The following SDK1 variants were observed in gnomAD, a reference collection of about 807,000 sequenced individuals.
The protein encoded by SDK1 is protein sidekick-1.
SDK1 carries 157 observed loss-of-function variants against 245.5 expected under a neutral mutation model. The observed-to-expected ratio is 0.64, with a 90% CI of 0.56 to 0.73. SDK1 has a LOEUF of 0.73. Among genes scored for constraint, SDK1 ranks in the 30% least tolerant of loss-of-function variants. SDK1 has a pLI of 0.00. For synonymous variants in SDK1, 1,647 were observed against 1,278.5 expected (o/e 1.29, Z -6.15); for missense variants, 3,583 against 3,002.3 (o/e 1.19, Z -4.52).
intron 4 of SDK1, among the ~76,000 whole-genome samples, chr7:3,669,323 T>C (rs568757162): frequency 2.0e-5 from 3 of 152,300 alleles, no homozygotes; most frequent in African/African-American, 7.2e-5. Context: ...ACTACAGACC[T>C]TGTTGCAGAA....
At chr7:4,114,332 C>A in intron 25 of SDK1, 58 bp downstream of exon 25, 1 of 1,342,626 alleles carries the variant, frequency 7.4e-7, no homozygotes, top group Non-Finnish European at 1.0e-6. Flanking sequence ...GGCTGAGTGC[C>A]CCTGAGCCTC....
At chr7:3,641,898 A>AC in intron 3 of SDK1, 60 bp from the exon 4 acceptor site, 1 of 1,416,454 alleles carries the variant, frequency 7.1e-7, no homozygotes, top group African/African-American at 1.4e-5. Flanking sequence ...TCCATCTGTG[A>AC]CCCCTTCCCT....
At chr7:3,679,424 G>A (rs890166493) in intron 4 of SDK1, among the ~76,000 whole-genome samples, 5 of 152,134 alleles carry the variant, frequency 3.3e-5, no homozygotes, top group African/African-American at 4.8e-5. Flanking sequence ...AAAATTAGCC[G>A]GGCGCGGTGG....
chr7:3,851,426 T>C lies in SDK1; in HGVS notation c.847+29843T>C, dbSNP rs73674317. Among the ~76,000 whole-genome samples the C allele has an allele frequency of 2.6e-5, 4 of 152,350 alleles. No homozygotes were observed. In the East Asian group the frequency reaches 7.7e-4, roughly 29 times the overall value. On this transcript the variant is annotated intron_variant, in intron 5 of 44. Transcript: ENST00000404826. ...CTCAGTTAAAACTAATTTATACTTA[T>C]ATTTTCATAAAGATAGAAGCGTAAT...
At chr7:3,523,360 G>C (rs1459460333) in intron 1 of SDK1, among the ~76,000 whole-genome samples, 1 of 152,140 alleles carries the variant, frequency 6.6e-6, no homozygotes, top group Non-Finnish European at 1.5e-5. Flanking sequence ...TAACCTAGTG[G>C]AGGTGACACA....
intron 1 of SDK1, among the ~76,000 whole-genome samples, chr7:3,353,432 A>T (rs949139766): frequency 3.3e-5 from 5 of 151,746 alleles, no homozygotes; most frequent in Non-Finnish European, 5.9e-5. Flanking sequence ...AGTAACCATA[A>T]TTTCTAAAAA....
intron 4 of SDK1, among the ~76,000 whole-genome samples, chr7:3,777,601 C>T (rs1479272719): frequency 6.6e-6 from 1 of 152,188 alleles, no homozygotes; most frequent in Non-Finnish European, 1.5e-5. Context: ...CCCCCTCTGC[C>T]AACAGTGTCC....
intron 1 of SDK1, among the ~76,000 whole-genome samples, chr7:3,527,607 A>G (rs1430083444): frequency 1.2e-4 from 17 of 144,282 alleles, no homozygotes; most frequent in South Asian, 4.6e-4. Context: ...GTGGTAGGAG[A>G]TGAGGTTGGA....
At chr7:3,335,357 T>A (rs1016147582) in intron 1 of SDK1, among the ~76,000 whole-genome samples, 2 of 152,178 alleles carry the variant, frequency 1.3e-5, no homozygotes, top group African/African-American at 2.4e-5. Context: ...GTCTCCTGAT[T>A]GTTCTCTATT....
intron 1 of SDK1, among the ~76,000 whole-genome samples, chr7:3,331,659 T>G (rs4499989): frequency 0.45 from 68,525 of 151,988 alleles, 15,503 homozygotes; most frequent in East Asian, 0.56. Flanking sequence ...TGGTGTCATA[T>G]CTGAACACAA....
chr7:3,912,634 G>T (rs1216476318), intron 5 of SDK1, among the ~76,000 whole-genome samples: 2 of 152,206 alleles, frequency 1.3e-5, no homozygotes, highest in Non-Finnish European at 2.9e-5. Context: ...CATGGCTGGG[G>T]CACCCGCTTC....
intron 5 of SDK1, among the ~76,000 whole-genome samples, chr7:3,935,379 A>G (rs1165833914): frequency 6.6e-6 from 1 of 152,250 alleles, no homozygotes; most frequent in Non-Finnish European, 1.5e-5. Context: ...AGGCAACAAA[A>G]GAAAAAATCA....
intron 4 of SDK1, among the ~76,000 whole-genome samples, chr7:3,807,935 C>G (rs575682632): frequency 1.1e-4 from 17 of 152,242 alleles, no homozygotes; most frequent in South Asian, 2.1e-4. Context: ...TCGTTTAATT[C>G]TCCTGCCAAC....
intron 1 of SDK1, among the ~76,000 whole-genome samples, chr7:3,486,302 C>T (rs1023687259): frequency 6.6e-6 from 1 of 151,854 alleles, no homozygotes; most frequent in Admixed American, 6.6e-5. Flanking sequence ...TTTGGATCTT[C>T]TTTCTTTTTT....
At chr7:3,879,778 C>T (rs1218763778) in intron 5 of SDK1, among the ~76,000 whole-genome samples, 2 of 152,190 alleles carry the variant, frequency 1.3e-5, no homozygotes, top group African/African-American at 4.8e-5. Flanking sequence ...AAGTTATAGC[C>T]TGGGCTGTAG....
At chr7:4,029,808 G>T (rs1158869841) in intron 17 of SDK1, among the ~76,000 whole-genome samples, 1 of 152,184 alleles carries the variant, frequency 6.6e-6, no homozygotes, top group East Asian at 1.9e-4. Context: ...AGCTAAGGGG[G>T]TAATTCATCG....
At chr7:3,947,651 T>C (rs1780634103) in intron 5 of SDK1, among the ~76,000 whole-genome samples, 1 of 151,408 alleles carries the variant, frequency 6.6e-6, no homozygotes, top group South Asian at 2.1e-4. Context: ...TATCTGTTGC[T>C]TAAAAATATC....
At chr7:3,587,175 C>G (rs1780717484) in intron 1 of SDK1, among the ~76,000 whole-genome samples, 1 of 152,122 alleles carries the variant, frequency 6.6e-6, no homozygotes, top group Admixed American at 6.5e-5. Flanking sequence ...AAGGAAAGAA[C>G]TAAGAATTTA....
chr7:3,409,131 C>T (rs573643261), intron 1 of SDK1, among the ~76,000 whole-genome samples: 3 of 152,220 alleles, frequency 2.0e-5, no homozygotes, highest in South Asian at 2.1e-4. Context: ...AAAACAAAAC[C>T]AGATCATATG....
Sources: allele counts gnomAD v4.1 joint callset (sites outside exome capture counted in the v4.1 genomes callset), GRCh38; gene constraint gnomAD v4.1.1; transcripts MANE v1.5; gene names NCBI Gene and HGNC (gene_info 2026-07-23, HGNC 2026-07-21).